Variants in GIN1 observed in about 807,000 individuals in gnomAD.
GIN1 encodes gypsy retrotransposon integrase-like protein 1.
In GIN1, 41 loss-of-function variants were observed where a neutral mutation model predicts 51.4. That is an observed-to-expected ratio of 0.80 (90% CI 0.62 to 1.04). The LOEUF (loss-of-function observed/expected upper bound fraction) is 1.04, where lower values mean the gene tolerates loss of function less well. Among genes scored for constraint, GIN1 ranks in the 50% least tolerant of loss-of-function variants. GIN1 has a pLI of 0.00. For synonymous variants in GIN1, 222 were observed against 206.5 expected, an observed-to-expected ratio of 1.07 and a Z score of -0.64; for missense variants, 610 against 612.4, an observed-to-expected ratio of 1.00 and a Z score of 0.04.
intron 4 of GIN1, among the ~76,000 whole-genome samples, chr5:103,099,378 A>G (rs34906715): frequency 1.3e-5 from 2 of 151,892 alleles, no homozygotes; most frequent in African/African-American, 4.8e-5. Context: ...TAATATATAT[A>G]CAATATATAT....
At chr5:103,112,530 C>G (rs1787916648) in intron 1 of GIN1, among the ~76,000 whole-genome samples, 1 of 152,192 alleles carries the variant, frequency 6.6e-6, no homozygotes, top group Non-Finnish European at 1.5e-5. Flanking sequence ...AGCTTCTTCT[C>G]TCACTACTTT....
chr5:103,115,213 G>A (rs1787999628), intron 1 of GIN1, among the ~76,000 whole-genome samples: 1 of 152,064 alleles, frequency 6.6e-6, no homozygotes, highest in African/African-American at 2.4e-5. Context: ...ATTCTAGTGG[G>A]GTTAAAAGTT....
intron 7 of GIN1, among the ~76,000 whole-genome samples, chr5:103,091,233 A>C (rs1351227679): frequency 1.1e-4 from 16 of 152,184 alleles, no homozygotes; most frequent in African/African-American, 3.9e-4. Flanking sequence ...TTTTGGATAC[A>C]CTGGATTATA....
intron 7 of GIN1, among the ~76,000 whole-genome samples, chr5:103,090,095 C>A (rs1342785168): frequency 6.6e-6 from 1 of 152,196 alleles, no homozygotes; most frequent in African/African-American, 2.4e-5. Flanking sequence ...TCGAGACCAA[C>A]CTGGCTAACA....
chr5:103,116,062 C>T (rs187459068), intron 1 of GIN1, among the ~76,000 whole-genome samples: 2 of 152,066 alleles, frequency 1.3e-5, no homozygotes, highest in Non-Finnish European at 2.9e-5. Flanking sequence ...CCAATTTTCT[C>T]CAAATTGATC....
At position 103,104,830 on chromosome 5, in the gene GIN1, T is replaced by A. The variant is rs782003201; in HGVS notation, c.350A>T (p.His117Leu). Residue 117 changes from histidine to leucine, a missense_variant, in exon 4 of 8, where the codon CAT becomes CTT. His to Leu is a moderately conservative substitution (Grantham distance 99). Transcript: ENST00000399004. ...AACTGTATTTTTTGCCACTTGGCAA[T>A]GCTGACAAGCATATACCTACAACAG... ...DVKQWVYACQ[H>L]CQVAKNTVIV... 15 of 1,600,934 alleles carry A rather than the reference T, an allele frequency of 9.4e-6. No homozygotes were observed. The highest frequency in any genetic ancestry group is 1.3e-5 in the Non-Finnish European group (15 of 1,170,668).
At chr5:103,111,164 T>A (rs1217782311) in intron 1 of GIN1, among the ~76,000 whole-genome samples, 4 of 151,230 alleles carry the variant, frequency 2.6e-5, no homozygotes, top group Admixed American at 6.6e-5. Flanking sequence ...TAGCTCTGCA[T>A]TAATCGTCCT....
chr5:103,100,442 A>C (rs1471789038), intron 4 of GIN1, among the ~76,000 whole-genome samples: 1 of 151,860 alleles, frequency 6.6e-6, no homozygotes, highest in Non-Finnish European at 1.5e-5. Context: ...CCCAAACTGG[A>C]ATGCAGTGGT....
chr5:103,095,685 G>C (rs1787372836), intron 7 of GIN1, among the ~76,000 whole-genome samples: 1 of 152,194 alleles, frequency 6.6e-6, no homozygotes, highest in Non-Finnish European at 1.5e-5. Context: ...ACTTTGGGAG[G>C]CCAAGGCAGG....
Position 103,088,108 on chromosome 5 carries a change from A to T in GIN1, c.1359T>A (p.Ile453=). The T allele has an allele frequency of 1.2e-6, 2 of 1,609,054 alleles. No individual in the cohort carries two copies. The highest frequency in any genetic ancestry group is 1.7e-5 in the Admixed American group (1 of 59,888). ...TATTTGCTTGATATGCTCCAATCGGAATTTCAGGCAATCCAATGTAGTCAT... is the reference window on the plus strand; with the variant it reads ...TATTTGCTTGATATGCTCCAATCGGTATTTCAGGCAATCCAATGTAGTCAT... ...ADHDYIGLPE[I]PIGAYQANIL... The change falls in exon 8 of 8, where the codon ATT becomes ATA. Residue 453 remains isoleucine, a synonymous_variant. Coordinates refer to ENST00000399004, the MANE Select transcript of GIN1 (RefSeq NM_017676.2).
chr5:103,092,390 CA>C (rs1787267740), intron 7 of GIN1, among the ~76,000 whole-genome samples: 1 of 151,488 alleles, frequency 6.6e-6, no homozygotes, highest in Admixed American at 6.6e-5. Context: ...ATTACAGCTT[CA>C]AAAAAGTCTG....
intron 7 of GIN1, among the ~76,000 whole-genome samples, chr5:103,091,016 A>G (rs1318192418): frequency 6.6e-6 from 1 of 152,222 alleles, no homozygotes; most frequent in African/African-American, 2.4e-5. Context: ...AATTCTACAT[A>G]AATCACTTTA....
chr5:103,110,505 A>G (rs1266457101), intron 1 of GIN1, among the ~76,000 whole-genome samples: 4 of 152,186 alleles, frequency 2.6e-5, no homozygotes, highest in Non-Finnish European at 5.9e-5. Flanking sequence ...CAACATCATT[A>G]TTCCACAGGG....
chr5:103,096,868 TATA>T (rs782495252), intron 6 of GIN1, 42 bp from the exon 7 acceptor site: 11 of 1,263,050 alleles, frequency 8.7e-6, no homozygotes, highest in East Asian at 2.3e-5. Context: ...ATGAAAGAGC[TATA>T]ATATCTTGAA....
At chr5:103,102,461 T>C (rs1382250985) in intron 4 of GIN1, 2 of 152,230 alleles carry the variant, frequency 1.3e-5, no homozygotes, top group African/African-American at 4.8e-5. Context: ...AGAACTGTTT[T>C]CTTCATCGAA....
At chr5:103,101,642 A>C (rs1276415606) in intron 4 of GIN1, among the ~76,000 whole-genome samples, 1 of 152,208 alleles carries the variant, frequency 6.6e-6, no homozygotes, top group Non-Finnish European at 1.5e-5. Flanking sequence ...TTTTGTGAGT[A>C]GTGTGGTGAA....
At chr5:103,088,532 C>G (rs1787145059) in intron 7 of GIN1, among the ~76,000 whole-genome samples, 1 of 152,160 alleles carries the variant, frequency 6.6e-6, no homozygotes, top group East Asian at 1.9e-4. Context: ...GTGCCTCATG[C>G]CTGTAATCTC....
At chr5:103,109,746 C>A (rs1296109352) in intron 1 of GIN1, among the ~76,000 whole-genome samples, 3 of 152,010 alleles carry the variant, frequency 2.0e-5, no homozygotes, top group Non-Finnish European at 2.9e-5. Context: ...TGATTTTTTT[C>A]ATCTTCTAAT....
chr5:103,108,714 C>G lies in GIN1; in HGVS notation c.-7G>C, dbSNP rs965965334. The G allele has an allele frequency of 1.3e-6, 2 of 1,583,124 alleles. No individual in the cohort carries two copies. Among genetic ancestry groups the G allele is most frequent in the Admixed American group, 3.5e-5 (2 of 57,076 alleles). ...TTTTTCCACTACGGACCATTGTGAACCTAGGTAAAAGGTATTTAAAAAGAT... is the reference window on the plus strand; with the variant it reads ...TTTTTCCACTACGGACCATTGTGAAGCTAGGTAAAAGGTATTTAAAAAGAT... On this transcript the variant is annotated splice_region_variant and 5_prime_UTR_variant, in exon 2 of 8. Coordinates refer to ENST00000399004, the MANE Select transcript of GIN1 (RefSeq NM_017676.2).
Sources: allele counts gnomAD v4.1 joint callset (sites outside exome capture counted in the v4.1 genomes callset), GRCh38; gene constraint gnomAD v4.1.1; transcripts MANE v1.5; gene names NCBI Gene and HGNC (gene_info 2026-07-23, HGNC 2026-07-21).